TNFRSF18: variants seen among roughly 807,000 people sequenced by gnomAD.
TNFRSF18 encodes the protein tumor necrosis factor receptor superfamily member 18.
Under a neutral mutation model 30.2 loss-of-function variants are expected in TNFRSF18, and 36 were observed. The observed-to-expected ratio is 1.19, with a 90% CI of 0.91 to 1.58. TNFRSF18 has a LOEUF of 1.58. Ranked by LOEUF, TNFRSF18 falls within the 40% of genes most tolerant of loss-of-function variation. The pLI, the probability that TNFRSF18 is intolerant of heterozygous loss-of-function variation, is 0.00. For missense variants in TNFRSF18, 369 were observed against 345.4 expected (o/e 1.07, Z -0.54); for synonymous variants, 173 against 158.3 (o/e 1.09, Z -0.70).
Position 1,204,470 on chromosome 1 carries a change from G to C in TNFRSF18, c.327C>G (p.Gly109=), listed in dbSNP as rs1557499294. The C allele has an allele frequency of 8.3e-7, 1 of 1,206,442 alleles. No individual in the cohort carries two copies. The highest frequency in any genetic ancestry group is 4.9e-5 in the East Asian group (1 of 20,298). The allele number at this position is 1,206,442 out of a possible 1,614,324, so 74.7% of individuals were successfully genotyped here. Residue 109 remains glycine (G), a synonymous_variant, in exon 3 of 5, where the codon GGC becomes GGG. Transcript: ENST00000379268. ...GVQSQGKFSF[G]FQCIDCASGT... ...CCGAGGCACAGTCGATACACTGGAA[G>C]CCAAAACTGAATTTCCCTGGTGTGG...
At chr1:1,204,868 C>A (rs111765763) in intron 2 of TNFRSF18, among the ~76,000 whole-genome samples, 3 of 152,278 alleles carry the variant, frequency 2.0e-5, no homozygotes, top group African/African-American at 7.2e-5. Flanking sequence ...TGACCCCAGA[C>A]CCTGCCCCGT....
Position 1,206,382 on chromosome 1 carries a change from T to G in TNFRSF18, c.187+3A>C. On this transcript the variant is annotated splice_donor_region_variant and intron_variant, in intron 1 of 4. Coordinates refer to ENST00000379268, the MANE Select transcript of TNFRSF18 (RefSeq NM_004195.3). ...CCGCGTTAAGTAAACGCGGTTTACT[T>G]ACCCGGGTAATCGCGGCAGCAGCGC... The G allele has an allele frequency of 6.5e-7, 1 of 1,546,706 alleles. No individual in the cohort carries two copies. Among genetic ancestry groups the G allele is most frequent in the Non-Finnish European group, 8.7e-7 (1 of 1,146,048 alleles).
chr1:1,204,168 C>G lies in TNFRSF18; in HGVS notation c.467G>C (p.Gly156Ala). 1 of 1,612,022 alleles carries G rather than the reference C, an allele frequency of 6.2e-7. No homozygotes were observed. Among genetic ancestry groups the G allele is most frequent in the Non-Finnish European group, 8.5e-7 (1 of 1,179,660 alleles). ...NKTHNAVCVP[G>A]SPPAEPLGWL... is the part of the protein sequence containing the mutation. ...CCCAAGCGGCTCTGCCGGCGGGGACCCTGGGACGCACACAGCGTTGTGGGT... is the reference window on the plus strand; with the variant it reads ...CCCAAGCGGCTCTGCCGGCGGGGACGCTGGGACGCACACAGCGTTGTGGGT... Residue 156 changes from glycine to alanine, a missense_variant, in exon 4 of 5, where the codon GGG becomes GCG. Coordinates refer to ENST00000379268, the MANE Select transcript of TNFRSF18 (RefSeq NM_004195.3).
chr1:1,204,503 G>A lies in TNFRSF18; in HGVS notation c.311-17C>T, dbSNP rs1557499385. On this transcript the variant is annotated splice_polypyrimidine_tract_variant and intron_variant, in intron 2 of 4. Transcript: ENST00000379268. ...TGAATTTCCCTGGTGTGGGGTGTGG[G>A]GGGAGGGAGGGAGGGAGGCTGGTGG... 6 of 1,528,032 alleles carry A rather than the reference G, an allele frequency of 3.9e-6. No homozygotes were observed. Among genetic ancestry groups the A allele is most frequent in the South Asian group, 1.1e-5 (1 of 89,130 alleles). The allele number at this position is 1,528,032 out of a possible 1,614,324, so 94.7% of individuals were successfully genotyped here.
In TNFRSF18 at chr1:1,203,917, C is replaced by T; in HGVS notation, c.653G>A (p.Cys218Tyr). Residue 218 changes from cysteine (C) to tyrosine (Y), a missense_variant, in exon 5 of 5, where the codon TGC becomes TAC. By Grantham distance (194) the Cys-to-Tyr change is radical (BLOSUM62 -2). Coordinates refer to ENST00000379268, the MANE Select transcript of TNFRSF18 (RefSeq NM_004195.3). ...GCCCCGCTCTTCCTCGGGGAACTGG[C>T]AGCTTCTGGCGTCTTCGGTCGACGG... Reference protein sequence around the residue: ...VPPSTEDARSCQFPEEERGER... With the variant: ...VPPSTEDARSYQFPEEERGER... 1 of 1,607,896 alleles carries T rather than the reference C, an allele frequency of 6.2e-7. No individual in the cohort carries two copies.
intron 1 of TNFRSF18, 187 bp from the exon 2 acceptor site, chr1:1,205,679 A>G (rs375327420): frequency 1.7e-5 from 11 of 645,086 alleles, no homozygotes; most frequent in African/African-American, 3.7e-5. Context: ...TCCTGGGGCC[A>G]TGTGGCCTGG....
Position 1,205,353 on chromosome 1 carries a change from G to T in TNFRSF18, c.310+17C>A, listed in dbSNP as rs753671147. 5 of 1,608,250 alleles carry T rather than the reference G, an allele frequency of 3.1e-6. No homozygotes were observed. In the South Asian group the frequency reaches 4.4e-5, roughly 14 times the overall value. ...CCCTGGCCTGTGTGGACTCCCAGAGGCACCTCCAGGACTTACCCTGGGACT... is the reference window on the plus strand; with the variant it reads ...CCCTGGCCTGTGTGGACTCCCAGAGTCACCTCCAGGACTTACCCTGGGACT... On this transcript the variant is annotated intron_variant, in intron 2 of 4. Transcript: ENST00000379268.
rs1648648037 is a variant in TNFRSF18 at position 1,203,724 on chromosome 1, AC to A, written c.*119del. ...GCGCTGGTCACTGCCACCTTCCTGC[AC>A]CCACTTCTGCTGCCAGGGGAGCAGG... On this transcript the variant is annotated 3_prime_UTR_variant, in exon 5 of 5. Transcript: ENST00000379268. The A allele has an allele frequency of 1.9e-6, 3 of 1,561,682 alleles. No homozygotes were observed. The highest frequency in any genetic ancestry group is 1.8e-5 in the Admixed American group (1 of 55,084).
In TNFRSF18 at chr1:1,204,449, G is replaced by C. The variant is rs761685766; in HGVS notation, c.348C>G (p.Ala116=). ...CGTGGCCCCCGGAGAAGGTCCCCGAGGCACAGTCGATACACTGGAAGCCAA... is the reference window on the plus strand; with the variant it reads ...CGTGGCCCCCGGAGAAGGTCCCCGACGCACAGTCGATACACTGGAAGCCAA... The part of the protein sequence containing the change: ...FSFGFQCIDC[A]SGTFSGGHEG... The change falls in exon 3 of 5, where the codon GCC becomes GCG. Residue 116 remains alanine (A), a synonymous_variant. Transcript: ENST00000379268. 1 of 1,612,158 alleles carries C rather than the reference G, an allele frequency of 6.2e-7. No individual in the cohort carries two copies. Among genetic ancestry groups the C allele is most frequent in the Non-Finnish European group, 8.5e-7 (1 of 1,179,712 alleles).
chr1:1,204,636 T>C (rs1648724561), intron 2 of TNFRSF18, 150 bp from the exon 3 acceptor site: 7 of 692,074 alleles, frequency 1.0e-5, no homozygotes, highest in Non-Finnish European at 1.5e-5. Context: ...GAGTTCTTCA[T>C]GGCCCAGGAC....
At position 1,203,985 on chromosome 1, in the gene TNFRSF18, G is replaced by A. The variant is rs1412124892; in HGVS notation, c.602-17C>T. On this transcript the variant is annotated splice_polypyrimidine_tract_variant and intron_variant, in intron 4 of 4. Transcript: ENST00000379268. ...GCTGGGTCTCTGCAGGGGGGCCACG[G>A]TCAGCAGGCAGCCATGCTCCCACCT... 2 of 1,606,718 alleles carry A rather than the reference G, an allele frequency of 1.2e-6. No individual in the cohort carries two copies. Among genetic ancestry groups the A allele is most frequent in the South Asian group, 2.2e-5 (2 of 90,824 alleles).
intron 1 of TNFRSF18, 136 bp downstream of exon 1, chr1:1,206,249 G>A (rs1444433864): frequency 1.9e-5 from 19 of 1,023,604 alleles, no homozygotes; most frequent in East Asian, 5.8e-5. Flanking sequence ...GAAGGCTCCC[G>A]CTGCTGGCGG....
intron 2 of TNFRSF18, among the ~76,000 whole-genome samples, chr1:1,205,084 G>A (rs923760639): frequency 6.6e-5 from 10 of 152,274 alleles, no homozygotes; most frequent in South Asian, 6.2e-4. Flanking sequence ...TGGGTGTCCC[G>A]GGCCTGAGAG....
rs906893654 is a variant in TNFRSF18 at position 1,204,115 on chromosome 1, C to T, written c.520G>A (p.Ala174Thr). 2 of 1,610,780 alleles carry T rather than the reference C, an allele frequency of 1.2e-6. No individual in the cohort carries two copies. The highest frequency in any genetic ancestry group is 1.7e-6 in the Non-Finnish European group (2 of 1,179,118). ...GWLTVVLLAV[A>T]ACVLLLTSAQ... ...GAGGTCAGGAGGAGGACGCAGGCGG[C>T]CACGGCCAGGAGGACGACGGTCAGC... Residue 174 changes from alanine (A) to threonine (T), a missense_variant, in exon 4 of 5, where the codon GCC (alanine) becomes ACC (threonine). Transcript: ENST00000379268.
chr1:1,204,683 G>A (rs750051769), intron 2 of TNFRSF18, among the ~76,000 whole-genome samples, 197 bp from the exon 3 acceptor site: 76 of 152,320 alleles, frequency 5.0e-4, no homozygotes, highest in Non-Finnish European at 8.2e-4. Flanking sequence ...TGGGGCGTCT[G>A]GGGTGGGGCC....
intron 1 of TNFRSF18, 77 bp from the exon 2 acceptor site, chr1:1,205,569 G>T: frequency 5.3e-6 from 8 of 1,510,044 alleles, no homozygotes; most frequent in Non-Finnish European, 6.3e-6. Context: ...CGGCCCTCCA[G>T]GGGAGTGAGG....
chr1:1,206,272 C>A (rs1004049463), intron 1 of TNFRSF18, 113 bp downstream of exon 1: 77 of 1,251,762 alleles, frequency 6.2e-5, no homozygotes, highest in Non-Finnish European at 7.8e-5. Context: ...CTGTGCCCAC[C>A]CTCCTTAGAC....
Position 1,206,420 on chromosome 1 carries a change from CG to C in TNFRSF18, c.151del (p.Arg51GlyfsTer116), listed in dbSNP as rs1648836092. ...GCGGCAGCAGCGCGTCGTGTGAACC[CG>C]GCAGCAGCGCGCGTCCGTTCCCGTC... is the stretch of plus-strand genomic sequence containing the variant. Reference protein sequence around the residue: ...LGTGTDARCCRVHTTRCCRDY... With the variant: ...LGTGTDARCCXVHTTRCCRDY... On this transcript the variant is annotated frameshift_variant, in exon 1 of 5. Transcript: ENST00000379268. LOFTEE classifies it high-confidence loss of function. The C allele has an allele frequency of 6.5e-7, 1 of 1,547,428 alleles. No homozygotes were observed. Among genetic ancestry groups the C allele is most frequent in the Middle Eastern group, 2.0e-4 (1 of 4,898 alleles).
chr1:1,204,470 G>A lies in TNFRSF18; in HGVS notation c.327C>T (p.Gly109=). 2 of 1,206,442 alleles carry A rather than the reference G, an allele frequency of 1.7e-6. No individual in the cohort carries two copies. The highest frequency in any genetic ancestry group is 1.2e-5 in the South Asian group (1 of 84,302). The allele number at this position is 1,206,442 out of a possible 1,614,324, so 74.7% of individuals were successfully genotyped here. ...GVQSQGKFSF[G]FQCIDCASGT... ...CCGAGGCACAGTCGATACACTGGAA[G>A]CCAAAACTGAATTTCCCTGGTGTGG... is the stretch of plus-strand genomic sequence containing the variant. The change falls in exon 3 of 5, where the codon GGC becomes GGT. Residue 109 remains glycine (G), a synonymous_variant. Coordinates refer to ENST00000379268, the MANE Select transcript of TNFRSF18 (RefSeq NM_004195.3).
Sources: allele counts gnomAD v4.1 joint callset (sites outside exome capture counted in the v4.1 genomes callset), GRCh38; gene constraint gnomAD v4.1.1; transcripts MANE v1.5; gene names NCBI Gene and HGNC (gene_info 2026-07-23, HGNC 2026-07-21).